The following RPSA2 variants were observed in gnomAD, a reference collection of about 807,000 sequenced individuals.
RPSA2 encodes small ribosomal subunit protein uS2B.
At chr19:23,773,064 C>T in the RPSA2 span, among the ~76,000 whole-genome samples, 19 of 143,018 alleles carry the variant, frequency 1.3e-4, no homozygotes, top group Non-Finnish European at 2.4e-4. Flanking sequence ...TCTGAGACTC[C>T]GTCTCCTCCT....
chr19:23,808,210 T>C, the RPSA2 span, among the ~76,000 whole-genome samples: 1 of 151,908 alleles, frequency 6.6e-6, no homozygotes, highest in African/African-American at 2.4e-5. Context: ...TAAAATCTAA[T>C]TATCATCACC....
At chr19:23,847,236 C>G in the RPSA2 span, among the ~76,000 whole-genome samples, 147,818 of 151,164 alleles carry the variant, frequency 0.98, 72,362 homozygotes, top group Middle Eastern at 1. Flanking sequence ...GGATGTCTAT[C>G]TCCTTGGCAC....
chr19:23,762,146 G>T, the RPSA2 span, among the ~76,000 whole-genome samples: 67,520 of 149,626 alleles, frequency 0.45, 16,266 homozygotes, highest in Non-Finnish European at 0.56. Context: ...TCGAACTCCT[G>T]ACCTCGTGAT....
At chr19:23,767,967 G>A in the RPSA2 span, among the ~76,000 whole-genome samples, 1 of 151,700 alleles carries the variant, frequency 6.6e-6, no homozygotes, top group Admixed American at 6.6e-5. Flanking sequence ...GGGTTTCACT[G>A]TGTTGGCCAG....
the RPSA2 span, among the ~76,000 whole-genome samples, chr19:23,778,962 G>A: frequency 6.8e-6 from 1 of 146,418 alleles, no homozygotes. Flanking sequence ...TGACTCTCCT[G>A]CCTGGGCCTT....
the RPSA2 span, chr19:23,799,011 G>GA: frequency 6.6e-5 from 10 of 152,100 alleles, 1 homozygote; most frequent in African/African-American, 2.4e-4. Context: ...AGCAGAGATA[G>GA]AAAAAATATT....
the RPSA2 span, among the ~76,000 whole-genome samples, chr19:23,778,189 T>A: frequency 6.6e-6 from 1 of 152,228 alleles, no homozygotes; most frequent in Non-Finnish European, 1.5e-5. Context: ...GCCAATCAAC[T>A]GTTTGATGTG....
chr19:23,795,222 G>A, the RPSA2 span, among the ~76,000 whole-genome samples: 3 of 149,612 alleles, frequency 2.0e-5, no homozygotes, highest in Non-Finnish European at 4.4e-5. Context: ...AGATATTTTG[G>A]TCATCTGATT....
the RPSA2 span, among the ~76,000 whole-genome samples, chr19:23,798,505 C>T: frequency 1.6e-4 from 25 of 151,990 alleles, no homozygotes; most frequent in South Asian, 1.0e-3. Context: ...AATATAAAGC[C>T]ACAATGTCTA....
At chr19:23,789,441 G>A in the RPSA2 span, among the ~76,000 whole-genome samples, 1 of 152,204 alleles carries the variant, frequency 6.6e-6, no homozygotes, top group African/African-American at 2.4e-5. Flanking sequence ...CCCAGGTGAT[G>A]TGACTCTTCT....
the RPSA2 span, among the ~76,000 whole-genome samples, chr19:23,781,112 C>G: frequency 6.6e-6 from 1 of 152,016 alleles, no homozygotes; most frequent in Admixed American, 6.6e-5. Context: ...GTAGCTGGGA[C>G]TACCGGTGCA....
chr19:23,767,961 T>C, the RPSA2 span, among the ~76,000 whole-genome samples: 1 of 152,010 alleles, frequency 6.6e-6, no homozygotes, highest in African/African-American at 2.4e-5. Flanking sequence ...GAGACGGGGT[T>C]TCACTGTGTT....
At chr19:23,843,220 G>T in the RPSA2 span, 3 of 263,360 alleles carry the variant, frequency 1.1e-5, no homozygotes, top group East Asian at 9.9e-5. Context: ...CCTGCCTTGA[G>T]CAAATAAAAG....
At chr19:23,840,864 A>C in the RPSA2 span, among the ~76,000 whole-genome samples, 1 of 150,542 alleles carries the variant, frequency 6.6e-6, no homozygotes, top group African/African-American at 2.4e-5. Flanking sequence ...TGGGAGGCTG[A>C]GGCAGGAGAA....
the RPSA2 span, among the ~76,000 whole-genome samples, chr19:23,761,903 T>TCCTTCCTTCCTCCCTTCCTTCCTTC: frequency 5.6e-5 from 2 of 35,594 alleles, no homozygotes; most frequent in African/African-American, 2.1e-4. Flanking sequence ...GTAACGTAAT[T>TCCTTCCTTCCTCCCTTCCTTCCTTC]CTTTCTTTCT....
the RPSA2 span, among the ~76,000 whole-genome samples, chr19:23,865,151 G>A: frequency 6.6e-6 from 1 of 152,322 alleles, no homozygotes; most frequent in South Asian, 2.1e-4. Context: ...GGGACCCCAG[G>A]ACAAATATGC....
At chr19:23,844,576 A>C in the RPSA2 span, among the ~76,000 whole-genome samples, 1 of 152,134 alleles carries the variant, frequency 6.6e-6, no homozygotes, top group Non-Finnish European at 1.5e-5. Flanking sequence ...TAAATTCCAA[A>C]TATAAGTTTC....
At chr19:23,758,616 TG>T in the RPSA2 span, 1 of 1,367,844 alleles carries the variant, frequency 7.3e-7, no homozygotes, top group Non-Finnish European at 1.0e-6. Flanking sequence ...CGCCATCTTA[TG>T]GTCCAAGTGG....
At chr19:23,860,197 C>T in the RPSA2 span, among the ~76,000 whole-genome samples, 2 of 152,078 alleles carry the variant, frequency 1.3e-5, no homozygotes, top group Non-Finnish European at 2.9e-5. Context: ...GCTGAGCCCC[C>T]ATCATAATTC....
Sources: gnomAD v4.1 joint callset for allele counts (sites outside exome capture counted in the v4.1 genomes callset) on GRCh38, gnomAD v4.1.1 for gene constraint, MANE v1.5 for transcripts, NCBI Gene and HGNC (gene_info 2026-07-23, HGNC 2026-07-21) for gene names.